ZNRF3: variants seen among roughly 807,000 people sequenced by gnomAD.
ZNRF3 encodes the protein E3 ubiquitin-protein ligase ZNRF3.
In ZNRF3, 23 loss-of-function variants were observed where a neutral mutation model predicts 72.5. That is an observed-to-expected ratio of 0.32 (90% confidence interval 0.23 to 0.45). ZNRF3 has a LOEUF of 0.45. ZNRF3 is among the 20% of genes least tolerant of loss of function. ZNRF3 has a pLI of 1.00. For synonymous variants in ZNRF3, 610 were observed against 545.3 expected, an observed-to-expected ratio of 1.12 and a Z score of -1.65; for missense variants, 1,169 against 1,272.1, an observed-to-expected ratio of 0.92 and a Z score of 1.23.
At chr22:29,029,424 C>T (rs145553557) in intron 2 of ZNRF3, among the ~76,000 whole-genome samples, 2 of 152,314 alleles carry the variant, frequency 1.3e-5, no homozygotes, top group East Asian at 1.9e-4. Flanking sequence ...TTTTCTAACA[C>T]CTTCATTTGC....
chr22:29,016,602 A>G (rs1692352827), intron 2 of ZNRF3, among the ~76,000 whole-genome samples: 1 of 152,212 alleles, frequency 6.6e-6, no homozygotes, highest in South Asian at 2.1e-4. Context: ...ACAGAAGTGT[A>G]TTTGTTCCTT....
At chr22:28,985,722 A>T (rs995233771) in intron 1 of ZNRF3, among the ~76,000 whole-genome samples, 1 of 152,134 alleles carries the variant, frequency 6.6e-6, no homozygotes, top group Non-Finnish European at 1.5e-5. Flanking sequence ...CTTATCTTGG[A>T]TTTCTGTTCT....
chr22:29,046,957 G>T, intron 6 of ZNRF3, 74 bp downstream of exon 6: 1 of 1,356,082 alleles, frequency 7.4e-7, no homozygotes, highest in Non-Finnish European at 9.7e-7. Flanking sequence ...AGACCTAGAA[G>T]GACAGGGCCC....
chr22:29,050,034 G>C lies in ZNRF3; in HGVS notation c.1853G>C (p.Arg618Pro), dbSNP rs572878226. The change falls in exon 8 of 9, where the codon CGG (arginine) becomes CCG (proline). Residue 618 changes from arginine (R) to proline (P), a missense_variant. Arg to Pro is a moderately radical substitution (Grantham distance 103). Coordinates refer to ENST00000544604, the MANE Select transcript of ZNRF3 (RefSeq NM_001206998.2). The part of the protein sequence containing the change: ...SEAGGSGSSG[R>P]GPALCFEGSP... ...GCGGGGGGCTCGGGCAGCTCGGGCC[G>C]GGGACCTGCCCTGTGCTTCGAGGGC... The C allele has an allele frequency of 6.2e-7, 1 of 1,609,602 alleles. No individual in the cohort carries two copies. The highest frequency in any genetic ancestry group is 1.7e-5 in the Admixed American group (1 of 59,750).
At position 29,054,868 on chromosome 22, in the gene ZNRF3, C is replaced by T. The variant is rs7290117; in HGVS notation, c.*1246C>T. ...TATCCCATTTCCCCCACGGAAGCAC[C>T]GCTTCAGGGTTATTCAGTCCTCTGC... On this transcript the variant is annotated 3_prime_UTR_variant, in exon 9 of 9. Transcript: ENST00000544604. 9,504 of 153,136 alleles carry T rather than the reference C, an allele frequency of 0.062. 877 individuals carry two copies. Among genetic ancestry groups the T allele is most frequent in the African/African-American group, 0.2 (8,339 of 41,464 alleles). The allele number at this position is 153,136 out of a possible 1,614,324, so 9.5% of individuals were successfully genotyped here. A position where few individuals can be genotyped will look rare whatever the true frequency, so the allele number is the denominator to read the frequency against.
At chr22:28,972,044 T>A (rs1038272621) in intron 1 of ZNRF3, among the ~76,000 whole-genome samples, 22 of 152,202 alleles carry the variant, frequency 1.4e-4, no homozygotes, top group Non-Finnish European at 3.1e-4. Flanking sequence ...GGTGATAGTC[T>A]TGCCTCACTA....
intron 1 of ZNRF3, among the ~76,000 whole-genome samples, chr22:28,953,485 T>C (rs1474585634): frequency 6.6e-6 from 1 of 152,196 alleles, no homozygotes; most frequent in Non-Finnish European, 1.5e-5. Context: ...AGTGTGCTTG[T>C]GTTTCTCCTG....
At chr22:29,033,350 CAAAAA>C (rs60310622) in intron 2 of ZNRF3, among the ~76,000 whole-genome samples, 5 of 66,136 alleles carry the variant, frequency 7.6e-5, no homozygotes, top group African/African-American at 2.5e-4. Context: ...GACTCCATCT[CAAAAA>C]AAAAAAAAAA....
At chr22:28,900,926 C>T (rs984961899) in intron 1 of ZNRF3, among the ~76,000 whole-genome samples, 7 of 151,934 alleles carry the variant, frequency 4.6e-5, no homozygotes, top group African/African-American at 1.2e-4. Flanking sequence ...GGCGACATAG[C>T]GAGACTGTTC....
chr22:29,052,005 G>C (rs2037216425), intron 8 of ZNRF3, among the ~76,000 whole-genome samples: 1 of 151,828 alleles, frequency 6.6e-6, no homozygotes, highest in Non-Finnish European at 1.5e-5. Context: ...CTCAGTCCAT[G>C]AAAATGAATT....
chr22:29,050,648 C>T lies in ZNRF3; in HGVS notation c.2467C>T (p.Arg823Trp), dbSNP rs2037185848. ...ACCGCCCGGCTGCTACCCCGGGGCC[C>T]GGGACCTGAGCCAGCGCATCCCCAT... ...EPPPGCYPGARDLSQRIPIIP... is the reference protein window; with the variant it reads ...EPPPGCYPGAWDLSQRIPIIP... The change falls in exon 8 of 9, where the codon CGG becomes TGG. Residue 823 changes from arginine (R) to tryptophan (W), a missense_variant. By Grantham distance (101) the Arg-to-Trp change is moderately radical (BLOSUM62 -3). Coordinates refer to ENST00000544604, the MANE Select transcript of ZNRF3 (RefSeq NM_001206998.2). The T allele has an allele frequency of 4.3e-6, 7 of 1,611,774 alleles. No homozygotes were observed. Among genetic ancestry groups the T allele is most frequent in the African/African-American group, 1.3e-5 (1 of 74,906 alleles).
intron 2 of ZNRF3, among the ~76,000 whole-genome samples, chr22:29,040,432 A>G (rs2036941887): frequency 6.6e-6 from 1 of 151,662 alleles, no homozygotes; most frequent in Non-Finnish European, 1.5e-5. Flanking sequence ...CTACCCGCCT[A>G]AGCCTCTCAG....
Position 28,884,075 on chromosome 22 carries a change from C to G in ZNRF3, c.300+9C>G. 1 of 1,224,112 alleles carries G rather than the reference C, an allele frequency of 8.2e-7. No individual in the cohort carries two copies. The highest frequency in any genetic ancestry group is 1.0e-6 in the Non-Finnish European group (1 of 965,698). 75.8% of individuals were successfully genotyped at this position (1,224,112 alleles called of 1,614,324 possible). A position where few individuals can be genotyped will look rare whatever the true frequency, so the allele number is the denominator to read the frequency against. On this transcript the variant is annotated intron_variant, in intron 1 of 8. Coordinates refer to ENST00000544604, the MANE Select transcript of ZNRF3 (RefSeq NM_001206998.2). ...AGGGCGAGATCGTGCAGGTAGCTGC[C>G]CGCCGCCCGGGCCCCGCGCCGCCTC...
chr22:29,004,920 A>G (rs964515587), intron 2 of ZNRF3, among the ~76,000 whole-genome samples: 4 of 152,234 alleles, frequency 2.6e-5, no homozygotes, highest in Non-Finnish European at 5.9e-5. Flanking sequence ...AAACCCCGTG[A>G]ACCTGCTCGG....
chr22:29,036,340 A>G (rs1366644567), intron 2 of ZNRF3, among the ~76,000 whole-genome samples: 1 of 152,210 alleles, frequency 6.6e-6, no homozygotes, highest in Non-Finnish European at 1.5e-5. Flanking sequence ...GAGAAGCACC[A>G]TTAGTTTTAT....
chr22:28,893,956 C>A (rs2033943983), intron 1 of ZNRF3, among the ~76,000 whole-genome samples: 1 of 151,588 alleles, frequency 6.6e-6, no homozygotes, highest in Non-Finnish European at 1.5e-5. Context: ...TACACAATAG[C>A]CCTGCTCGCA....
chr22:28,913,962 C>T (rs891484227), intron 1 of ZNRF3, among the ~76,000 whole-genome samples: 1 of 152,156 alleles, frequency 6.6e-6, no homozygotes, highest in Admixed American at 6.5e-5. Context: ...TGCCCCGCCT[C>T]TGTGTGTAAT....
chr22:28,977,385 C>G (rs1261573458), intron 1 of ZNRF3, among the ~76,000 whole-genome samples: 1 of 152,052 alleles, frequency 6.6e-6, no homozygotes, highest in African/African-American at 2.4e-5. Flanking sequence ...GCTCTTTGTT[C>G]AAAGAGCAAA....
intron 1 of ZNRF3, among the ~76,000 whole-genome samples, chr22:28,959,640 T>C (rs1207525946): frequency 1.3e-5 from 2 of 152,234 alleles, no homozygotes; most frequent in African/African-American, 4.8e-5. Flanking sequence ...ATGGACCGAA[T>C]ATTCATTTCA....
Sources: allele counts gnomAD v4.1 joint callset (sites outside exome capture counted in the v4.1 genomes callset), GRCh38; gene constraint gnomAD v4.1.1; transcripts MANE v1.5; gene names NCBI Gene and HGNC (gene_info 2026-07-23, HGNC 2026-07-21).